The following GRID2 variants were observed in gnomAD, a reference collection of about 807,000 sequenced individuals.
GRID2 encodes glutamate ionotropic receptor delta type subunit 2.
In GRID2, 33 loss-of-function variants were observed where a neutral mutation model predicts 114.8. The ratio of observed to expected loss-of-function variants is 0.29; its 90% CI spans 0.22 to 0.38. The LOEUF is 0.38. GRID2 is among the 10% of genes least tolerant of loss of function. GRID2 has a pLI of 1.00. For synonymous variants in GRID2, 505 were observed against 449.9 expected, an observed-to-expected ratio of 1.12 and a Z score of -1.55; for missense variants, 1,184 against 1,257.7, an observed-to-expected ratio of 0.94 and a Z score of 0.89.
At chr4:93,211,200 C>T (rs1035699569) in intron 5 of GRID2, among the ~76,000 whole-genome samples, 1 of 151,902 alleles carries the variant, frequency 6.6e-6, no homozygotes, top group Non-Finnish European at 1.5e-5. Flanking sequence ...CTTCTGAGAA[C>T]AACATGGTCA....
chr4:93,230,250 C>T (rs1745968459), intron 7 of GRID2, among the ~76,000 whole-genome samples: 1 of 151,822 alleles, frequency 6.6e-6, no homozygotes. Flanking sequence ...ATTGATGTTT[C>T]ATATATTTTT....
chr4:93,598,512 T>A (rs1337986322), intron 13 of GRID2, among the ~76,000 whole-genome samples: 1 of 152,224 alleles, frequency 6.6e-6, no homozygotes, highest in Non-Finnish European at 1.5e-5. Flanking sequence ...GAATAAATGT[T>A]AACTTTTCCC....
intron 8 of GRID2, among the ~76,000 whole-genome samples, chr4:93,354,671 C>CGTGTGTGTGTGT (rs35452796): frequency 3.1e-5 from 4 of 130,284 alleles, no homozygotes; most frequent in Non-Finnish European, 6.5e-5. Context: ...GTGGCTCATC[C>CGTGTGTGTGTGT]GTGTGTGTGT....
intron 8 of GRID2, among the ~76,000 whole-genome samples, chr4:93,257,956 C>T (rs1351023579): frequency 1.4e-5 from 2 of 144,136 alleles, no homozygotes; most frequent in Admixed American, 7.0e-5. Context: ...TGTATATATA[C>T]ATATACACAC....
At chr4:93,230,767 A>G (rs1746037385) in intron 7 of GRID2, among the ~76,000 whole-genome samples, 2 of 152,100 alleles carry the variant, frequency 1.3e-5, no homozygotes, top group African/African-American at 4.8e-5. Flanking sequence ...CACTTGGCTA[A>G]ACATGCACAC....
In GRID2 at chr4:92,752,096, G is replaced by A. The variant is rs374997348; in HGVS notation, c.244+161810G>A. Among the ~76,000 whole-genome samples, 10 of 152,276 alleles carry A rather than the reference G, an allele frequency of 6.6e-5. 1 individual carries two copies. Among genetic ancestry groups the A allele is most frequent in the South Asian group, 6.2e-4 (3 of 4,822 alleles). ...CACATGTTGGCTGTAAACAATATTC[G>A]TTCTCTGAAGGATTCTGAGAGAAGT... On this transcript the variant is annotated intron_variant, in intron 2 of 15. Transcript: ENST00000282020.
chr4:92,548,401 A>ATTTTTTTTCTTTTTT (rs1726385981), intron 1 of GRID2, among the ~76,000 whole-genome samples: 4 of 60,808 alleles, frequency 6.6e-5, no homozygotes, highest in Non-Finnish European at 1.1e-4. Context: ...AGACTGTGTA[A>ATTTTTTTTCTTTTTT]TTTTTTTTTT....
chr4:93,555,362 G>A (rs1734210691), intron 13 of GRID2, among the ~76,000 whole-genome samples: 1 of 152,186 alleles, frequency 6.6e-6, no homozygotes. Flanking sequence ...CCACTGGCTT[G>A]AAATTCTTGC....
chr4:93,304,018 C>T (rs1755150364), intron 8 of GRID2, among the ~76,000 whole-genome samples: 1 of 151,496 alleles, frequency 6.6e-6, no homozygotes. Flanking sequence ...CATTCACCAA[C>T]CTCAGAATTA....
chr4:92,941,293 T>G (rs544857782), intron 2 of GRID2, among the ~76,000 whole-genome samples: 1 of 152,316 alleles, frequency 6.6e-6, no homozygotes, highest in Admixed American at 6.5e-5. Flanking sequence ...TGGTTTAGTC[T>G]TGGGAGGGTG....
rs70942922 is a variant in GRID2 at position 92,666,650 on chromosome 4, G to GTTTTTTTTTTTTTTTT, written c.244+76369_244+76384dup. On this transcript the variant is annotated intron_variant, in intron 2 of 15. Coordinates refer to ENST00000282020, the MANE Select transcript of GRID2 (RefSeq NM_001510.4). ...AGGCTGATGTGTAAACTTAAGGGTTGTTTTTTTTTTTTTTTTTTTTCAGAT... is the reference window on the plus strand; with the variant it reads ...AGGCTGATGTGTAAACTTAAGGGTTGTTTTTTTTTTTTTTTTTTTTTTTTTTTTTTTTTTTTCAGAT... 3.5e-3 allele frequency among the ~76,000 whole-genome samples: 237 copies of GTTTTTTTTTTTTTTTT among 68,530 alleles called. 13 individuals are homozygous for GTTTTTTTTTTTTTTTT. Among genetic ancestry groups the GTTTTTTTTTTTTTTTT allele is most frequent in the Non-Finnish European group, 4.2e-3 (150 of 35,712 alleles). The allele number at this position is 68,530 out of a possible 152,430, so 45.0% of individuals were successfully genotyped here.
At chr4:92,364,276 G>T (rs1186859978) in intron 1 of GRID2, among the ~76,000 whole-genome samples, 2 of 152,008 alleles carry the variant, frequency 1.3e-5, no homozygotes, top group African/African-American at 4.8e-5. Flanking sequence ...GAAAGGAAGG[G>T]AGGAAGAAAT....
chr4:92,722,881 A>T (rs1735878017), intron 2 of GRID2, among the ~76,000 whole-genome samples: 1 of 54,162 alleles, frequency 1.8e-5, no homozygotes, highest in Admixed American at 1.4e-4. Flanking sequence ...TTGAACATTT[A>T]TAATAATAAT....
chr4:93,770,333 T>G (rs1403802694), intron 15 of GRID2, among the ~76,000 whole-genome samples: 1 of 152,230 alleles, frequency 6.6e-6, no homozygotes, highest in Non-Finnish European at 1.5e-5. Flanking sequence ...CTTTTAAAGT[T>G]TCTATAACTA....
At chr4:92,581,139 C>A (rs1346926199) in intron 1 of GRID2, among the ~76,000 whole-genome samples, 1 of 151,058 alleles carries the variant, frequency 6.6e-6, no homozygotes, top group Non-Finnish European at 1.5e-5. Context: ...TTAAACATTG[C>A]TGCCTTTATA....
At chr4:93,474,622 T>A (rs34314930) in intron 11 of GRID2, among the ~76,000 whole-genome samples, 13,994 of 152,142 alleles carry the variant, frequency 0.092, 879 homozygotes, top group Non-Finnish European at 0.14. Context: ...ATGGAAATAA[T>A]AAATCAGAAC....
chr4:93,615,448 GAA>G (rs758460149), intron 13 of GRID2, among the ~76,000 whole-genome samples: 1 of 152,098 alleles, frequency 6.6e-6, no homozygotes, highest in Non-Finnish European at 1.5e-5. Flanking sequence ...AAGAAATAGA[GAA>G]AGTCTTTATA....
At chr4:92,825,931 T>C (rs186163760) in intron 2 of GRID2, among the ~76,000 whole-genome samples, 1 of 152,264 alleles carries the variant, frequency 6.6e-6, no homozygotes, top group East Asian at 1.9e-4. Context: ...TGGTTTGATA[T>C]ATTGCTACTT....
At chr4:92,981,209 ATG>A (rs1298595144) in intron 2 of GRID2, among the ~76,000 whole-genome samples, 1 of 151,920 alleles carries the variant, frequency 6.6e-6, no homozygotes, top group Non-Finnish European at 1.5e-5. Context: ...ACCTATATAT[ATG>A]TGTGTGTGTG....
Sources: gnomAD v4.1 joint callset for allele counts (sites outside exome capture counted in the v4.1 genomes callset) on GRCh38, gnomAD v4.1.1 for gene constraint, MANE v1.5 for transcripts, NCBI Gene and HGNC (gene_info 2026-07-23, HGNC 2026-07-21) for gene names.